ELOVL5: variants seen among roughly 807,000 people sequenced by gnomAD.
ELOVL5 encodes the protein ELOVL fatty acid elongase 5.
A neutral mutation model predicts 38.6 loss-of-function variants in ELOVL5; 8 were observed. The observed-to-expected ratio is 0.21, with a 90% CI of 0.12 to 0.37. ELOVL5 has a LOEUF of 0.37. ELOVL5 is among the 10% of genes least tolerant of loss of function. The pLI is 1.00. For missense variants in ELOVL5, 280 were observed against 367.8 expected (o/e 0.76, Z 1.95); for synonymous variants, 127 against 133.7 (o/e 0.95, Z 0.34).
intron 3 of ELOVL5, among the ~76,000 whole-genome samples, chr6:53,277,261 T>A (rs1033685356): frequency 6.6e-6 from 1 of 152,020 alleles, no homozygotes; most frequent in Non-Finnish European, 1.5e-5. Flanking sequence ...ACGCTGGGTA[T>A]CCTGCCTTCT....
intron 1 of ELOVL5, among the ~76,000 whole-genome samples, chr6:53,310,072 C>T (rs1359998433): frequency 6.6e-6 from 1 of 152,182 alleles, no homozygotes; most frequent in Non-Finnish European, 1.5e-5. Flanking sequence ...TACAAGACAA[C>T]TCTACTTCCC....
intron 1 of ELOVL5, among the ~76,000 whole-genome samples, chr6:53,320,735 C>T (rs1355964009): frequency 6.6e-6 from 1 of 152,020 alleles, no homozygotes; most frequent in African/African-American, 2.4e-5. Flanking sequence ...CTTACTAGTC[C>T]CACCCAATCA....
chr6:53,320,933 C>T (rs997189617), intron 1 of ELOVL5, among the ~76,000 whole-genome samples: 5 of 152,148 alleles, frequency 3.3e-5, no homozygotes, highest in Middle Eastern at 3.2e-3. Context: ...AAACTACTGT[C>T]TTGCAGTAAG....
intron 1 of ELOVL5, among the ~76,000 whole-genome samples, chr6:53,321,935 C>G (rs1561886404): frequency 6.6e-6 from 1 of 152,162 alleles, no homozygotes; most frequent in Non-Finnish European, 1.5e-5. Flanking sequence ...ATGTTAGGAG[C>G]CTTTCTTTCT....
At chr6:53,305,110 C>T (rs1332548896) in intron 1 of ELOVL5, among the ~76,000 whole-genome samples, 4 of 148,276 alleles carry the variant, frequency 2.7e-5, no homozygotes, top group Middle Eastern at 3.9e-3. Flanking sequence ...GGGGGCTGAC[C>T]CCCCCACCTC....
intron 1 of ELOVL5, among the ~76,000 whole-genome samples, chr6:53,295,974 C>G (rs932594624): frequency 6.6e-6 from 1 of 152,080 alleles, no homozygotes; most frequent in Non-Finnish European, 1.5e-5. Flanking sequence ...CATAAAAACT[C>G]TTTCCGTGAA....
intron 3 of ELOVL5, among the ~76,000 whole-genome samples, chr6:53,281,822 G>GTTT (rs56133416): frequency 6.8e-6 from 1 of 147,336 alleles, no homozygotes; most frequent in Admixed American, 6.7e-5. Flanking sequence ...CTCCACAGGT[G>GTTT]TTTTTTTTTT....
chr6:53,300,461 T>C (rs1767205719), intron 1 of ELOVL5, among the ~76,000 whole-genome samples: 1 of 130,530 alleles, frequency 7.7e-6, no homozygotes, highest in Non-Finnish European at 1.6e-5. Context: ...GCAAAATAAC[T>C]GTTAGCAAAA....
intron 1 of ELOVL5, among the ~76,000 whole-genome samples, chr6:53,319,826 G>A (rs1768224190): frequency 6.6e-6 from 1 of 152,150 alleles, no homozygotes; most frequent in Non-Finnish European, 1.5e-5. Context: ...CTCAAACCCT[G>A]CTCTCCTCTA....
intron 2 of ELOVL5, chr6:53,294,006 T>TTCCCACTTAGCA (rs1368615746): frequency 2.3e-5 from 21 of 928,148 alleles, no homozygotes; most frequent in Non-Finnish European, 2.8e-5. Flanking sequence ...AGAAAACCAG[T>TTCCCACTTAGCA]TCCCACTTAG....
chr6:53,281,820 G>GT (rs1389321160), intron 3 of ELOVL5, among the ~76,000 whole-genome samples: 1 of 99,894 alleles, frequency 1.0e-5, no homozygotes, highest in African/African-American at 6.4e-5. Flanking sequence ...ACCTCCACAG[G>GT]TGTTTTTTTT....
At chr6:53,297,005 G>C (rs1046922889) in intron 1 of ELOVL5, among the ~76,000 whole-genome samples, 1 of 152,204 alleles carries the variant, frequency 6.6e-6, no homozygotes, top group Non-Finnish European at 1.5e-5. Flanking sequence ...ATCCAGATGA[G>C]ATGGGACGTA....
chr6:53,335,140 C>T (rs149042354), intron 1 of ELOVL5, among the ~76,000 whole-genome samples: 26 of 152,332 alleles, frequency 1.7e-4, no homozygotes, highest in Admixed American at 1.7e-3. Context: ...CACTATGTAG[C>T]TGAAGCCACC....
At chr6:53,347,310 CCCTTT>C (rs780084649) in intron 1 of ELOVL5, among the ~76,000 whole-genome samples, 5 of 152,132 alleles carry the variant, frequency 3.3e-5, no homozygotes, top group Non-Finnish European at 4.4e-5. Flanking sequence ...AGTAACATTT[CCCTTT>C]CAAGTGCAGA....
intron 1 of ELOVL5, among the ~76,000 whole-genome samples, chr6:53,319,451 G>A (rs1411953430): frequency 6.6e-6 from 1 of 152,014 alleles, no homozygotes. Context: ...TAAAAAATTA[G>A]AAACTCTCAG....
chr6:53,342,135 A>C (rs1027356393), intron 1 of ELOVL5, among the ~76,000 whole-genome samples: 4 of 150,958 alleles, frequency 2.6e-5, no homozygotes, highest in Non-Finnish European at 4.4e-5. Flanking sequence ...AAGCAAACTC[A>C]AATTTTCACA....
At chr6:53,302,195 G>C (rs74500636) in intron 1 of ELOVL5, among the ~76,000 whole-genome samples, 6,263 of 152,298 alleles carry the variant, frequency 0.041, 185 homozygotes, top group Non-Finnish European at 0.062. Context: ...CTGCTCATGT[G>C]GAAAATCCAT....
In ELOVL5 at chr6:53,305,796, C is replaced by T. The variant is rs1484766753; in HGVS notation, c.-8-10089G>A. Among the ~76,000 whole-genome samples, 10 of 151,490 alleles carry T rather than the reference C, an allele frequency of 6.6e-5. No homozygotes were observed. In the South Asian group the frequency reaches 1.3e-3, roughly 19 times the overall value. On this transcript the variant is annotated intron_variant, in intron 1 of 7. Transcript: ENST00000304434. ...GCAGAGACGCTCCTCACTTCCCAGA[C>T]GGGGTGGCGGCCGGGCAGAGGCTGC...
At chr6:53,271,930 C>A (rs1326906706) in intron 6 of ELOVL5, among the ~76,000 whole-genome samples, 2 of 152,204 alleles carry the variant, frequency 1.3e-5, no homozygotes, top group Non-Finnish European at 2.9e-5. Context: ...TTCCGCCAGA[C>A]CCAAAACTGT....
Sources: allele counts gnomAD v4.1 joint callset (sites outside exome capture counted in the v4.1 genomes callset), GRCh38; gene constraint gnomAD v4.1.1; transcripts MANE v1.5; gene names NCBI Gene and HGNC (gene_info 2026-07-23, HGNC 2026-07-21).